EYA4: variants seen among roughly 807,000 people sequenced by gnomAD.
EYA4 encodes protein phosphatase EYA4.
EYA4 carries 31 observed loss-of-function variants against 87.9 expected under a neutral mutation model. That is an observed-to-expected ratio of 0.35 (90% CI 0.27 to 0.48). The LOEUF (loss-of-function observed/expected upper bound fraction) is 0.48, where lower values mean the gene tolerates loss of function less well. Ranked by LOEUF, EYA4 falls within the 20% of genes least tolerant of loss-of-function variation. The probability of loss-of-function intolerance (pLI) is 0.99; values close to 1 mark genes in which losing one functional copy is unlikely to be tolerated. For missense variants in EYA4, 678 were observed against 761.4 expected (o/e 0.89, Z 1.29); for synonymous variants, 263 against 270.6 (o/e 0.97, Z 0.28).
Position 133,529,707 on chromosome 6 carries a change from G to T in EYA4, c.*902G>T. On this transcript the variant is annotated 3_prime_UTR_variant, in exon 20 of 20. Coordinates refer to ENST00000355286, the MANE Select transcript of EYA4 (RefSeq NM_004100.5). ...TTAATAATTCCAATAATTGTATGAG[G>T]CAACTATTTGCGCATCCAACCATGA... The T allele has an allele frequency of 1.0e-6, 1 of 984,570 alleles. No homozygotes were observed. Among genetic ancestry groups the T allele is most frequent in the Non-Finnish European group, 1.2e-6 (1 of 829,202 alleles). The allele number at this position is 984,570 out of a possible 1,614,324, so 61.0% of individuals were successfully genotyped here. A position where few individuals can be genotyped will look rare whatever the true frequency, so the allele number is the denominator to read the frequency against.
intron 3 of EYA4, among the ~76,000 whole-genome samples, chr6:133,390,898 G>A (rs761541249): frequency 6.6e-6 from 1 of 152,086 alleles, no homozygotes; most frequent in Non-Finnish European, 1.5e-5. Context: ...AAGATTGGGG[G>A]GCTATAGCTG....
intron 3 of EYA4, among the ~76,000 whole-genome samples, chr6:133,437,318 T>G (rs1019761027): frequency 8.5e-5 from 13 of 152,158 alleles, no homozygotes; most frequent in Admixed American, 2.0e-4. Context: ...TGATTGTGAT[T>G]TCATGGTGTG....
intron 16 of EYA4, 149 bp from the exon 17 acceptor site, chr6:133,515,172 G>A (rs1799482246): frequency 1.5e-6 from 1 of 682,008 alleles, no homozygotes; most frequent in Non-Finnish European, 2.7e-6. Flanking sequence ...CAGAAACGAA[G>A]GATCAATATG....
At chr6:133,284,239 G>A (rs555808153) in intron 2 of EYA4, among the ~76,000 whole-genome samples, 11 of 152,172 alleles carry the variant, frequency 7.2e-5, no homozygotes, top group East Asian at 5.8e-4. Context: ...CACATATCTC[G>A]GCTCACTGCA....
At chr6:133,512,684 T>A (rs1429828486) in intron 14 of EYA4, 37 bp from the exon 15 acceptor site, 1 of 1,513,904 alleles carries the variant, frequency 6.6e-7, no homozygotes, top group Non-Finnish European at 9.2e-7. Flanking sequence ...ACAAGCATCA[T>A]TTAGAAAACA....
chr6:133,298,348 A>C (rs1156659891), intron 2 of EYA4, among the ~76,000 whole-genome samples: 1 of 152,192 alleles, frequency 6.6e-6, no homozygotes, highest in Non-Finnish European at 1.5e-5. Context: ...TTTGATGAGA[A>C]GCGACATTCA....
intron 3 of EYA4, among the ~76,000 whole-genome samples, chr6:133,425,105 C>T (rs563669986): frequency 3.3e-5 from 5 of 150,834 alleles, no homozygotes; most frequent in Non-Finnish European, 7.3e-5. Context: ...TATCCGCTCA[C>T]CTATTAATGG....
chr6:133,335,291 G>A (rs1264716164), intron 2 of EYA4, among the ~76,000 whole-genome samples: 1 of 152,198 alleles, frequency 6.6e-6, no homozygotes, highest in African/African-American at 2.4e-5. Context: ...AAGTGCTCAA[G>A]ACTTTGATTG....
intron 19 of EYA4, among the ~76,000 whole-genome samples, chr6:133,525,593 A>G (rs1481674095): frequency 1.3e-5 from 2 of 152,154 alleles, no homozygotes; most frequent in Non-Finnish European, 2.9e-5. Context: ...ATACACATAC[A>G]ATGTGCACAG....
intron 1 of EYA4, among the ~76,000 whole-genome samples, chr6:133,271,702 G>GTCCATGTT (rs1403069396): frequency 6.6e-6 from 1 of 152,186 alleles, no homozygotes; most frequent in Admixed American, 6.5e-5. Flanking sequence ...GAGGATGGAA[G>GTCCATGTT]TCCATGTTGC....
At chr6:133,507,944 G>T (rs1197423688) in intron 14 of EYA4, among the ~76,000 whole-genome samples, 2 of 152,034 alleles carry the variant, frequency 1.3e-5, no homozygotes, top group African/African-American at 4.8e-5. Flanking sequence ...TTGAGGAGTT[G>T]CCACACTGTC....
At chr6:133,438,074 G>A (rs965585046) in intron 3 of EYA4, among the ~76,000 whole-genome samples, 4 of 152,098 alleles carry the variant, frequency 2.6e-5, no homozygotes, top group South Asian at 2.1e-4. Context: ...AAAATGAAGT[G>A]TCACAATTAA....
chr6:133,440,958 T>C (rs958308560), intron 3 of EYA4, among the ~76,000 whole-genome samples: 1 of 152,258 alleles, frequency 6.6e-6, no homozygotes, highest in Non-Finnish European at 1.5e-5. Context: ...CATTCTGTTA[T>C]TTTCAGAATT....
chr6:133,503,778 A>G (rs1194793492), intron 13 of EYA4, among the ~76,000 whole-genome samples: 1 of 152,004 alleles, frequency 6.6e-6, no homozygotes, highest in East Asian at 1.9e-4. Context: ...TTTTTTTTTA[A>G]TTTACACAAC....
chr6:133,429,411 T>C (rs949110770), intron 3 of EYA4, among the ~76,000 whole-genome samples: 2 of 152,142 alleles, frequency 1.3e-5, no homozygotes, highest in African/African-American at 4.8e-5. Flanking sequence ...CATTGTCATA[T>C]ACCAAATGGG....
At chr6:133,352,957 A>G (rs1298121850) in intron 2 of EYA4, among the ~76,000 whole-genome samples, 1 of 152,184 alleles carries the variant, frequency 6.6e-6, no homozygotes, top group Non-Finnish European at 1.5e-5. Flanking sequence ...TCCCAACACT[A>G]ATGATATTTC....
intron 1 of EYA4, among the ~76,000 whole-genome samples, chr6:133,264,671 G>A (rs992415064): frequency 2.0e-5 from 3 of 152,282 alleles, no homozygotes; most frequent in Admixed American, 6.5e-5. Flanking sequence ...TGCCTGTGCC[G>A]GTTGTGTACA....
At chr6:133,482,322 C>T (rs1482770242) in intron 12 of EYA4, among the ~76,000 whole-genome samples, 2 of 152,136 alleles carry the variant, frequency 1.3e-5, no homozygotes, top group Admixed American at 6.5e-5. Context: ...TTCACATTGC[C>T]TCAAGAACTT....
At chr6:133,353,336 G>T (rs9399062) in intron 2 of EYA4, among the ~76,000 whole-genome samples, 26,870 of 151,988 alleles carry the variant, frequency 0.18, 2,548 homozygotes, top group East Asian at 0.36. Flanking sequence ...ATGATGGTTC[G>T]TTAGTTCTGT....
Sources: allele counts gnomAD v4.1 joint callset (sites outside exome capture counted in the v4.1 genomes callset), GRCh38; gene constraint gnomAD v4.1.1; transcripts MANE v1.5; gene names NCBI Gene and HGNC (gene_info 2026-07-23, HGNC 2026-07-21).